The following DNMT3A variants were observed in gnomAD, a reference collection of about 807,000 sequenced individuals.
DNMT3A encodes DNA methyltransferase 3 alpha.
A neutral mutation model predicts 117.6 loss-of-function variants in DNMT3A; 267 were observed. That is an observed-to-expected ratio of 2.27 (90% confidence interval 2.05 to 2.51). The LOEUF (loss-of-function observed/expected upper bound fraction) is 2.51. Among genes scored for constraint, DNMT3A ranks in the 30% most tolerant of loss-of-function variants. The pLI is 0.00. For missense variants in DNMT3A, 1,029 were observed against 1,260.2 expected (o/e 0.82, Z 2.78); for synonymous variants, 432 against 474.8 (o/e 0.91, Z 1.17).
At chr2:25,245,188 ACAGT>A (rs1674594242) in intron 13 of DNMT3A, 61 bp downstream of exon 13, 7 of 1,494,332 alleles carry the variant, frequency 4.7e-6, no homozygotes, top group South Asian at 1.2e-5. Context: ...AGCGGTGGAC[ACAGT>A]CAGCCAGAAG....
rs1049867274 is a variant in DNMT3A, at chr2:25,304,313, T to C, written c.73-4070A>G. On this transcript the variant is annotated intron_variant, in intron 2 of 22. Coordinates refer to ENST00000321117, the MANE Select transcript of DNMT3A (RefSeq NM_022552.5). This position sits in a 1 kb window ranked among gnomAD's most constrained non-coding sequence, Gnocchi z 4.3. ...ATCTATAAAATGGGATGATATCTAC[T>C]TCACAGTGATGTTATAAGAATTAAA... Among the ~76,000 whole-genome samples the C allele has an allele frequency of 6.6e-6, 1 of 152,176 alleles. No individual in the cohort carries two copies. Among genetic ancestry groups the C allele is most frequent in the African/African-American group, 2.4e-5 (1 of 41,430 alleles).
rs1003793563 is a variant in DNMT3A at position 25,236,728 on chromosome 2, C to T, written c.2478+208G>A. Among the ~76,000 whole-genome samples the T allele has an allele frequency of 2.0e-5, 3 of 152,216 alleles. No individual in the cohort carries two copies. The highest frequency in any genetic ancestry group is 7.2e-5 in the African/African-American group (3 of 41,468). On this transcript the variant is annotated intron_variant, in intron 21 of 22. Transcript: ENST00000321117. The surrounding 1 kb of genome is among the most constrained non-coding windows in gnomAD (Gnocchi z 4.5). ...CTCAGTGTCTACCGGGGGTGATGGG[C>T]GACACTCACCAGGGAGGAAGGGCTG...
chr2:25,251,882 C>T (rs1038317986), intron 6 of DNMT3A: 3 of 435,244 alleles, frequency 6.9e-6, no homozygotes, highest in Non-Finnish European at 1.2e-5. Flanking sequence ...TCCTGGGCCA[C>T]CAGCTCCGCG....
chr2:25,258,443 A>G (rs992102113), intron 6 of DNMT3A, among the ~76,000 whole-genome samples: 2 of 152,200 alleles, frequency 1.3e-5, no homozygotes, highest in African/African-American at 2.4e-5. Context: ...AAGCTCACCT[A>G]AACACCGGAT....
rs992024932 is a variant in DNMT3A at position 25,306,035 on chromosome 2, G to C, written c.73-5792C>G. On this transcript the variant is annotated intron_variant, in intron 2 of 22. Coordinates refer to ENST00000321117, the MANE Select transcript of DNMT3A (RefSeq NM_022552.5). This position sits in a 1 kb window ranked among gnomAD's most constrained non-coding sequence, Gnocchi z 4.1. ...GAAGCATGCCCAGCCTTTGCCAGCT[G>C]GCTGGCTGGCCTCCCAGGGACTGTC... 2.0e-5 allele frequency among the ~76,000 whole-genome samples: 3 copies of C among 152,210 alleles called. No homozygotes were observed. The highest frequency in any genetic ancestry group is 4.4e-5 in the Non-Finnish European group (3 of 68,038).
chr2:25,256,152 G>C (rs1286730971), intron 6 of DNMT3A, among the ~76,000 whole-genome samples: 1 of 152,124 alleles, frequency 6.6e-6, no homozygotes. Context: ...CAAGACCAGG[G>C]AGACCTGATC....
chr2:25,234,176 G>A lies in DNMT3A; in HGVS notation c.*103C>T. The A allele has an allele frequency of 4.0e-6, 6 of 1,487,324 alleles. No homozygotes were observed. Among genetic ancestry groups the A allele is most frequent in the Non-Finnish European group, 5.4e-6 (6 of 1,111,560 alleles). The allele number at this position is 1,487,324 out of a possible 1,614,324, so 92.1% of individuals were successfully genotyped here. A position where few individuals can be genotyped will look rare whatever the true frequency, so the allele number is the denominator to read the frequency against. On this transcript the variant is annotated 3_prime_UTR_variant, in exon 23 of 23. Coordinates refer to ENST00000321117, the MANE Select transcript of DNMT3A (RefSeq NM_022552.5). This position sits in a 1 kb window ranked among gnomAD's most constrained non-coding sequence, Gnocchi z 4.5. ...AATTCCTTTTTCTCTTCTGGGTGCT[G>A]ATACTTCTCTCCATCCTCATGTTCT...
rs747460558 is a variant in DNMT3A, at chr2:25,286,450, G to A, written c.178-3739C>T. ...CTCACCCGCTGAAATCCCCACTCCC[G>A]CATCTGGTCCACACCATCCTCTGCC... On this transcript the variant is annotated intron_variant, in intron 3 of 22. Transcript: ENST00000321117. The surrounding 1 kb of genome is among the most constrained non-coding windows in gnomAD (Gnocchi z 4.3). Among the ~76,000 whole-genome samples, 1 of 152,122 alleles carries A rather than the reference G, an allele frequency of 6.6e-6. No individual in the cohort carries two copies. Among genetic ancestry groups the A allele is most frequent in the Non-Finnish European group, 1.5e-5 (1 of 68,006 alleles).
At chr2:25,316,169 G>A (rs952025270) in intron 1 of DNMT3A, among the ~76,000 whole-genome samples, 7 of 152,252 alleles carry the variant, frequency 4.6e-5, no homozygotes, top group African/African-American at 1.7e-4. Context: ...AAGCGGGGCG[G>A]GAGGGTTGTC....
In DNMT3A at chr2:25,231,550, T is replaced by C. The variant is rs1319729447; in HGVS notation, c.*2729A>G. On this transcript the variant is annotated 3_prime_UTR_variant, in exon 23 of 23. Transcript: ENST00000321117. ...TTTGGTTTTGTCACTAATTACTAAT[T>C]TGGTTTATTCAATAGGTGAGGTTCA... is the stretch of plus-strand genomic sequence containing the variant. 6.6e-6 allele frequency: 1 copy of C among 152,146 alleles called. No homozygotes were observed. The highest frequency in any genetic ancestry group is 1.5e-5 in the Non-Finnish European group (1 of 68,034). The allele number at this position is 152,146 out of a possible 1,614,324, so 9.4% of individuals were successfully genotyped here. A position where few individuals can be genotyped will look rare whatever the true frequency, so the allele number is the denominator to read the frequency against.
rs551236692 is a variant in DNMT3A at position 25,284,363 on chromosome 2, G to A, written c.178-1652C>T. Among the ~76,000 whole-genome samples, 6 of 151,914 alleles carry A rather than the reference G, an allele frequency of 3.9e-5. No homozygotes were observed. The South Asian group carries it at 6.2e-4, about 16-fold the overall frequency. On this transcript the variant is annotated intron_variant, in intron 3 of 22. Transcript: ENST00000321117. ...ACATATATCATAAAAAAATCAAACT[G>A]TAGCCAGGCGTGGTGGCTTACGCCT...
rs546466271 is a variant in DNMT3A at position 25,304,397 on chromosome 2, C to T, written c.73-4154G>A. 4.6e-5 allele frequency among the ~76,000 whole-genome samples: 7 copies of T among 152,260 alleles called. No homozygotes were observed. The highest frequency in any genetic ancestry group is 4.6e-4 in the Admixed American group (7 of 15,292). On this transcript the variant is annotated intron_variant, in intron 2 of 22. Transcript: ENST00000321117. This position sits in a 1 kb window ranked among gnomAD's most constrained non-coding sequence, Gnocchi z 4.3. Reference sequence around the variant, plus strand: ...TCACTCGAGAACTGCTACCTTCCCCCGCTCCACACATCCTGATTCGTACTT... The same window carrying T: ...TCACTCGAGAACTGCTACCTTCCCCTGCTCCACACATCCTGATTCGTACTT...
Position 25,246,649 on chromosome 2 carries a change from GA to G in DNMT3A, c.1249del (p.Ser417LeufsTer234). ...TGGTGGCTCCAGGCCCTTAGGGCCAGAAGGCTGGAAGCCCCCCAGGGCCCAT... is the reference window on the plus strand; with the variant it reads ...TGGTGGCTCCAGGCCCTTAGGGCCAGAGGCTGGAAGCCCCCCAGGGCCCAT... ...IEWALGGFQP[S>X]GPKGLEPPEE... On this transcript the variant is annotated frameshift_variant, in exon 10 of 23. Coordinates refer to ENST00000321117, the MANE Select transcript of DNMT3A (RefSeq NM_022552.5). LOFTEE classifies it high-confidence loss of function. 6.2e-7 allele frequency: 1 copy of G among 1,613,348 alleles called. No individual in the cohort carries two copies. Among genetic ancestry groups the G allele is most frequent in the Non-Finnish European group, 8.5e-7 (1 of 1,179,908 alleles).
In DNMT3A at chr2:25,296,742, G is replaced by C. The variant is rs1183937180; in HGVS notation, c.177+3397C>G. Among the ~76,000 whole-genome samples the C allele has an allele frequency of 1.3e-5, 2 of 152,224 alleles. No homozygotes were observed. The highest frequency in any genetic ancestry group is 4.8e-5 in the African/African-American group (2 of 41,452). ...TGCCAGGGGGCAGAAGGCACCCAGGGACAGATGCCTGTTGAAGGCCAAGAC... is the reference window on the plus strand; with the variant it reads ...TGCCAGGGGGCAGAAGGCACCCAGGCACAGATGCCTGTTGAAGGCCAAGAC... On this transcript the variant is annotated intron_variant, in intron 3 of 22. Coordinates refer to ENST00000321117, the MANE Select transcript of DNMT3A (RefSeq NM_022552.5). The surrounding 1 kb of genome is among the most constrained non-coding windows in gnomAD (Gnocchi z 4.2).
intron 6 of DNMT3A, among the ~76,000 whole-genome samples, chr2:25,262,054 G>A (rs1382091166): frequency 6.6e-6 from 1 of 152,022 alleles, no homozygotes; most frequent in Non-Finnish European, 1.5e-5. Context: ...GCTGGGCATG[G>A]CAGCACATGC....
At chr2:25,288,590 G>A (rs1053513243) in intron 3 of DNMT3A, among the ~76,000 whole-genome samples, 7 of 152,122 alleles carry the variant, frequency 4.6e-5, no homozygotes, top group Non-Finnish European at 7.4e-5. Context: ...GATTACAGGC[G>A]TAAGCCACTG....
chr2:25,258,372 A>G (rs2149339153), intron 6 of DNMT3A, among the ~76,000 whole-genome samples: 1 of 152,348 alleles, frequency 6.6e-6, no homozygotes, highest in East Asian at 1.9e-4. Flanking sequence ...TAACCCCTGC[A>G]CTGAGCAGTC....
intron 4 of DNMT3A, among the ~76,000 whole-genome samples, chr2:25,280,038 A>C (rs1343023908): frequency 6.6e-6 from 1 of 152,058 alleles, no homozygotes; most frequent in African/African-American, 2.4e-5. Flanking sequence ...GTTTTTGCCC[A>C]CCACACTCAG....
chr2:25,287,305 TCTC>T (rs752929754), intron 3 of DNMT3A, among the ~76,000 whole-genome samples: 3 of 151,152 alleles, frequency 2.0e-5, no homozygotes, highest in Non-Finnish European at 4.4e-5. Flanking sequence ...ACCCATCACT[TCTC>T]CTCCCGTGGG....
Sources: gnomAD v4.1 joint callset for allele counts (sites outside exome capture counted in the v4.1 genomes callset) on GRCh38, gnomAD v4.1.1 for gene constraint, Gnocchi (gnomAD v3.1) non-coding constraint, MANE v1.5 for transcripts, NCBI Gene and HGNC (gene_info 2026-07-23, HGNC 2026-07-21) for gene names.